The following INPP4B variants were observed in gnomAD, a reference collection of about 807,000 sequenced individuals.
INPP4B encodes inositol polyphosphate 4-phosphatase type II.
In INPP4B, 55 loss-of-function variants were observed where a neutral mutation model predicts 122.5. The observed-to-expected ratio is 0.45, with a 90% CI of 0.36 to 0.56. The LOEUF (loss-of-function observed/expected upper bound fraction) is 0.56. Among genes scored for constraint, INPP4B ranks in the 20% least tolerant of loss-of-function variants. The pLI, the probability that INPP4B is intolerant of heterozygous loss-of-function variation, is 0.00. For synonymous variants in INPP4B, 403 were observed against 388.7 expected (o/e 1.04, Z -0.43); for missense variants, 1,000 against 1,097.7 (o/e 0.91, Z 1.26).
chr4:142,442,411 C>CAAAAA lies in INPP4B; in HGVS notation c.-126-11031_-126-11027dup, dbSNP rs70949167. On this transcript the variant is annotated intron_variant, in intron 3 of 25. Transcript: ENST00000262992. ...TGGGCAACAGAGCAAGACTCCATCTCAAAAAAAAAAAAAAAAAAAGAGAGA... is the reference window on the plus strand; with the variant it reads ...TGGGCAACAGAGCAAGACTCCATCTCAAAAAAAAAAAAAAAAAAAAAAAAGAGAGA... Among the ~76,000 whole-genome samples the CAAAAA allele has an allele frequency of 4.2e-3, 319 of 76,158 alleles. 1 individual carries two copies. The highest frequency in any genetic ancestry group is 5.2e-3 in the African/African-American group (103 of 19,810). The allele number at this position is 76,158 out of a possible 152,430, so 50.0% of individuals were successfully genotyped here.
intron 11 of INPP4B, among the ~76,000 whole-genome samples, chr4:142,242,570 C>A (rs764098188): frequency 6.6e-5 from 10 of 152,120 alleles, no homozygotes; most frequent in Non-Finnish European, 1.0e-4. Context: ...CTATTTCATG[C>A]TGAAAAAACC....
chr4:142,122,783 A>C (rs549419605), intron 20 of INPP4B, among the ~76,000 whole-genome samples: 1 of 152,242 alleles, frequency 6.6e-6, no homozygotes, highest in East Asian at 1.9e-4. Context: ...AATTTTAATA[A>C]TATATTTTAC....
At chr4:142,342,415 A>G (rs948058787) in intron 7 of INPP4B, among the ~76,000 whole-genome samples, 3 of 152,196 alleles carry the variant, frequency 2.0e-5, no homozygotes, top group Non-Finnish European at 1.5e-5. Flanking sequence ...AACAAAATTG[A>G]GAAATAAAAG....
At chr4:142,095,113 A>G (rs1196739823) in intron 23 of INPP4B, among the ~76,000 whole-genome samples, 1 of 152,226 alleles carries the variant, frequency 6.6e-6, no homozygotes, top group Non-Finnish European at 1.5e-5. Flanking sequence ...CCCACTTGAT[A>G]AAGATAATTT....
intron 23 of INPP4B, among the ~76,000 whole-genome samples, chr4:142,107,647 AC>A (rs1343638759): frequency 8.5e-5 from 13 of 152,186 alleles, no homozygotes; most frequent in African/African-American, 3.1e-4. Flanking sequence ...TCCCTCATTC[AC>A]ATTGACTTAA....
At chr4:142,304,772 T>C (rs185865409) in intron 9 of INPP4B, among the ~76,000 whole-genome samples, 6 of 152,294 alleles carry the variant, frequency 3.9e-5, no homozygotes, top group Admixed American at 3.9e-4. Context: ...TATGCATAAT[T>C]ATGAAAGTTA....
At chr4:142,548,996 A>G (rs1727344425) in intron 2 of INPP4B, among the ~76,000 whole-genome samples, 2 of 152,178 alleles carry the variant, frequency 1.3e-5, no homozygotes, top group African/African-American at 2.4e-5. Context: ...GAATTACACA[A>G]TGTCAGAATG....
At chr4:142,212,984 C>T (rs886655901) in intron 12 of INPP4B, among the ~76,000 whole-genome samples, 1 of 152,152 alleles carries the variant, frequency 6.6e-6, no homozygotes, top group African/African-American at 2.4e-5. Flanking sequence ...TAATATTATT[C>T]CACTGTACCA....
intron 7 of INPP4B, among the ~76,000 whole-genome samples, chr4:142,393,725 C>A (rs1162459668): frequency 2.0e-5 from 3 of 152,228 alleles, no homozygotes; most frequent in Non-Finnish European, 4.4e-5. Flanking sequence ...ATCCCAGCAG[C>A]CATACTTCAA....
At chr4:142,272,430 T>A (rs536640303) in intron 9 of INPP4B, among the ~76,000 whole-genome samples, 3 of 152,178 alleles carry the variant, frequency 2.0e-5, no homozygotes, top group Admixed American at 6.5e-5. Context: ...TAAAAGTGAT[T>A]TATTGTTAAA....
At chr4:142,836,443 T>A (rs1394297553) in intron 1 of INPP4B, among the ~76,000 whole-genome samples, 1 of 152,034 alleles carries the variant, frequency 6.6e-6, no homozygotes, top group Non-Finnish European at 1.5e-5. Context: ...CGTGTGTGTA[T>A]ACCTCTAGAA....
chr4:142,561,652 C>T (rs911616640), intron 2 of INPP4B, among the ~76,000 whole-genome samples: 1 of 152,146 alleles, frequency 6.6e-6, no homozygotes, highest in Non-Finnish European at 1.5e-5. Flanking sequence ...AACTCCTGAA[C>T]TCATGATCCT....
chr4:142,629,119 A>G (rs1322541666), intron 2 of INPP4B, among the ~76,000 whole-genome samples: 1 of 152,050 alleles, frequency 6.6e-6, no homozygotes, highest in Non-Finnish European at 1.5e-5. Context: ...ATAGGTAAAG[A>G]GTGTGCCCAG....
intron 5 of INPP4B, among the ~76,000 whole-genome samples, chr4:142,422,544 C>A (rs1807157769): frequency 6.6e-6 from 1 of 152,030 alleles, no homozygotes; most frequent in Non-Finnish European, 1.5e-5. Context: ...GTGGCTCATG[C>A]CTGTACTCCC....
At chr4:142,285,302 T>C (rs540776870) in intron 9 of INPP4B, among the ~76,000 whole-genome samples, 2 of 151,786 alleles carry the variant, frequency 1.3e-5, no homozygotes, top group Non-Finnish European at 2.9e-5. Flanking sequence ...GGAGGAGTAA[T>C]GCTGAACTGA....
intron 18 of INPP4B, among the ~76,000 whole-genome samples, chr4:142,142,996 A>G (rs570394152): frequency 6.6e-6 from 1 of 152,146 alleles, no homozygotes; most frequent in South Asian, 2.1e-4. Context: ...GAAGGAGAAG[A>G]GTTGTTTCTT....
intron 5 of INPP4B, among the ~76,000 whole-genome samples, chr4:142,417,991 T>A (rs1386405280): frequency 6.6e-6 from 1 of 152,182 alleles, no homozygotes; most frequent in African/African-American, 2.4e-5. Context: ...TTTGATGCTG[T>A]CATAACATAG....
At chr4:142,841,425 T>A (rs1197028608) in intron 1 of INPP4B, among the ~76,000 whole-genome samples, 1 of 151,980 alleles carries the variant, frequency 6.6e-6, no homozygotes, top group Non-Finnish European at 1.5e-5. Context: ...TTGAAAGAAC[T>A]AAAGGAAAGA....
At chr4:142,211,657 T>C (rs1844946674) in intron 12 of INPP4B, among the ~76,000 whole-genome samples, 2 of 152,224 alleles carry the variant, frequency 1.3e-5, no homozygotes, top group South Asian at 2.1e-4. Context: ...TCTGGAAACT[T>C]TGTACCTTGG....
Sources: allele counts gnomAD v4.1 joint callset (sites outside exome capture counted in the v4.1 genomes callset), GRCh38; gene constraint gnomAD v4.1.1; transcripts MANE v1.5; gene names NCBI Gene and HGNC (gene_info 2026-07-23, HGNC 2026-07-21).